MYO16: variants seen among roughly 807,000 people sequenced by gnomAD.
MYO16 encodes the protein myosin XVI, also known as unconventional myosin-XVI.
A neutral mutation model predicts 205.3 loss-of-function variants in MYO16; 94 were observed. The observed-to-expected ratio is 0.46, with a 90% CI of 0.39 to 0.54. The LOEUF is 0.54. Ranked by LOEUF, MYO16 falls within the 20% of genes least tolerant of loss-of-function variation. The pLI is 0.00. For missense variants in MYO16, 2,315 were observed against 2,387.5 expected (o/e 0.97, Z 0.63); for synonymous variants, 988 against 954.0 (o/e 1.04, Z -0.66).
the MYO16 span, among the ~76,000 whole-genome samples, chr13:108,551,726 T>C: frequency 2.6e-5 from 4 of 152,074 alleles, no homozygotes; most frequent in African/African-American, 9.7e-5. Flanking sequence ...CATGATTTAA[T>C]CCATAGCTAT....
At chr13:109,142,425 T>C (rs1594121738) in intron 32 of MYO16, among the ~76,000 whole-genome samples, 1 of 151,480 alleles carries the variant, frequency 6.6e-6, no homozygotes, top group Non-Finnish European at 1.5e-5. Context: ...GGATAGGGTC[T>C]GGAGGCAGGG....
At chr13:108,688,980 A>T (rs1179859308) in intron 2 of MYO16, among the ~76,000 whole-genome samples, 1 of 152,198 alleles carries the variant, frequency 6.6e-6, no homozygotes, top group Non-Finnish European at 1.5e-5. Flanking sequence ...TAATTGTTAA[A>T]TGGTAGCTTT....
chr13:108,542,832 T>G, the MYO16 span, among the ~76,000 whole-genome samples: 1 of 151,852 alleles, frequency 6.6e-6, no homozygotes, highest in Non-Finnish European at 1.5e-5. Flanking sequence ...CATTTTATTC[T>G]ATTATTAATT....
chr13:108,738,327 A>G (rs1884778109), intron 4 of MYO16, among the ~76,000 whole-genome samples: 1 of 152,210 alleles, frequency 6.6e-6, no homozygotes, highest in Non-Finnish European at 1.5e-5. Context: ...AGATTCTGGT[A>G]TACTGTGTCT....
At chr13:109,074,139 C>G (rs1000223174) in intron 27 of MYO16, among the ~76,000 whole-genome samples, 3 of 152,086 alleles carry the variant, frequency 2.0e-5, no homozygotes, top group African/African-American at 7.2e-5. Flanking sequence ...AATTGACCTA[C>G]CTTCACCTTG....
At chr13:109,130,783 C>T (rs1203131462) in intron 31 of MYO16, among the ~76,000 whole-genome samples, 2 of 152,174 alleles carry the variant, frequency 1.3e-5, no homozygotes, top group African/African-American at 4.8e-5. Context: ...TCCCTCAGTC[C>T]AACACAATCC....
At chr13:108,544,104 AT>A in the MYO16 span, among the ~76,000 whole-genome samples, 1 of 145,304 alleles carries the variant, frequency 6.9e-6, no homozygotes, top group Non-Finnish European at 1.5e-5. Flanking sequence ...ATGATAATTT[AT>A]TTTGTTTTTT....
intron 21 of MYO16, among the ~76,000 whole-genome samples, chr13:109,000,571 G>T (rs1026983930): frequency 6.6e-6 from 1 of 151,956 alleles, no homozygotes; most frequent in Non-Finnish European, 1.5e-5. Flanking sequence ...AATTTTATAT[G>T]AAAAAAGAAA....
At chr13:108,558,419 A>C in the MYO16 span, among the ~76,000 whole-genome samples, 4 of 152,210 alleles carry the variant, frequency 2.6e-5, no homozygotes, top group South Asian at 2.1e-4. Flanking sequence ...AAAGGGTAAG[A>C]CATTGATGAC....
chr13:108,784,965 G>A (rs762671023), intron 4 of MYO16, among the ~76,000 whole-genome samples: 3 of 152,162 alleles, frequency 2.0e-5, no homozygotes, highest in Non-Finnish European at 4.4e-5. Flanking sequence ...AGGGGCAAGG[G>A]GTGAAACAGA....
At chr13:108,971,349 T>TTTTA (rs1390123316) in intron 20 of MYO16, among the ~76,000 whole-genome samples, 3 of 144,272 alleles carry the variant, frequency 2.1e-5, no homozygotes, top group Non-Finnish European at 4.5e-5. Context: ...TGTGTGTTGA[T>TTTTA]TATATATATA....
intron 1 of MYO16, 95 bp from the exon 2 acceptor site, chr13:108,665,791 G>T: frequency 7.6e-7 from 1 of 1,313,228 alleles, no homozygotes. Flanking sequence ...TTTATGACCT[G>T]TGCAATGGAC....
rs543200864 is a variant in MYO16 at position 109,126,225 on chromosome 13, A to G, written c.3782+867A>G. ...CAAATATCTCAGTGATTAAATACTGAAAAAAATCCCCTTTGTACAGAAAAA... is the reference window on the plus strand; with the variant it reads ...CAAATATCTCAGTGATTAAATACTGGAAAAAATCCCCTTTGTACAGAAAAA... On this transcript the variant is annotated intron_variant, in intron 30 of 34. Coordinates refer to ENST00000457511, the MANE Select transcript of MYO16 (RefSeq NM_001198950.3). Among the ~76,000 whole-genome samples, 7 of 152,282 alleles carry G rather than the reference A, an allele frequency of 4.6e-5. No homozygotes were observed. The South Asian group carries it at 1.5e-3, about 32-fold the overall frequency.
Position 108,866,065 on chromosome 13 carries a change from A to G in MYO16, c.1360-112A>G, listed in dbSNP as rs561722918. On this transcript the variant is annotated intron_variant, in intron 11 of 34. Coordinates refer to ENST00000457511, the MANE Select transcript of MYO16 (RefSeq NM_001198950.3). Reference sequence around the variant, plus strand: ...AAAAAATAGCAAAATACTAAAGTAGATTTTTTCTTATTATTTATATTTCAT... The same window carrying G: ...AAAAAATAGCAAAATACTAAAGTAGGTTTTTTCTTATTATTTATATTTCAT... The G allele has an allele frequency of 1.6e-5, 11 of 669,248 alleles. No individual in the cohort carries two copies. The East Asian group carries it at 3.8e-4, about 23-fold the overall frequency. The allele number at this position is 669,248 out of a possible 1,614,324, so 41.5% of individuals were successfully genotyped here.
At chr13:108,885,697 A>G (rs113678589) in intron 13 of MYO16, among the ~76,000 whole-genome samples, 5 of 152,196 alleles carry the variant, frequency 3.3e-5, no homozygotes, top group African/African-American at 1.2e-4. Flanking sequence ...TTATTTCTTT[A>G]GAATTTACAT....
At chr13:109,109,523 G>A (rs1889219355) in intron 28 of MYO16, among the ~76,000 whole-genome samples, 1 of 152,168 alleles carries the variant, frequency 6.6e-6, no homozygotes, top group Non-Finnish European at 1.5e-5. Flanking sequence ...CCAAGCCAAT[G>A]TGGCAGCTCA....
At chr13:108,874,396 A>C (rs1374789471) in intron 12 of MYO16, among the ~76,000 whole-genome samples, 1 of 152,188 alleles carries the variant, frequency 6.6e-6, no homozygotes, top group Non-Finnish European at 1.5e-5. Context: ...ATAATATTTG[A>C]AATTCTAGGA....
chr13:108,742,337 C>G (rs113212998), intron 4 of MYO16, among the ~76,000 whole-genome samples: 183 of 152,110 alleles, frequency 1.2e-3, no homozygotes, highest in African/African-American at 4.1e-3. Context: ...GAGAGGTTGG[C>G]AGTGGTGTGA....
Position 108,879,889 on chromosome 13 carries a change from G to A in MYO16, c.1426-3170G>A, listed in dbSNP as rs948044424. ...TGGGTATATGCCCAGTAATGGGATG[G>A]CTGGGTCAAATGGTATTTCTAGTTC... is the stretch of plus-strand genomic sequence containing the variant. On this transcript the variant is annotated intron_variant, in intron 12 of 34. Coordinates refer to ENST00000457511, the MANE Select transcript of MYO16 (RefSeq NM_001198950.3). Among the ~76,000 whole-genome samples the A allele has an allele frequency of 4.6e-5, 7 of 152,150 alleles. 1 individual carries two copies. The highest frequency in any genetic ancestry group is 8.8e-5 in the Non-Finnish European group (6 of 68,028).
Sources: allele counts gnomAD v4.1 joint callset (sites outside exome capture counted in the v4.1 genomes callset), GRCh38; gene constraint gnomAD v4.1.1; transcripts MANE v1.5; gene names NCBI Gene and HGNC (gene_info 2026-07-23, HGNC 2026-07-21).